C1orf115: variants seen among roughly 807,000 people sequenced by gnomAD.
The protein encoded by C1orf115 is chromosome 1 open reading frame 115, also known as required for drug-induced death protein 1.
In C1orf115, 14 loss-of-function variants were observed where a neutral mutation model predicts 12.5. That is an observed-to-expected ratio of 1.12 (90% CI 0.74 to 1.75). The LOEUF is 1.75. Among genes scored for constraint, C1orf115 ranks in the 40% most tolerant of loss-of-function variants. The pLI is 0.00. For synonymous variants in C1orf115, 109 were observed against 104.6 expected, an observed-to-expected ratio of 1.04 and a Z score of -0.26; for missense variants, 237 against 220.8, an observed-to-expected ratio of 1.07 and a Z score of -0.46.
intron 1 of C1orf115, 34 bp downstream of exon 1, chr1:220,690,745 G>A: frequency 6.4e-7 from 1 of 1,552,872 alleles, no homozygotes; most frequent in South Asian, 1.2e-5. Flanking sequence ...CCCGGGGGGC[G>A]CGGGTGTGGT....
intron 1 of C1orf115, among the ~76,000 whole-genome samples, chr1:220,695,329 A>G (rs564779030): frequency 6.6e-6 from 1 of 152,104 alleles, no homozygotes; most frequent in South Asian, 2.1e-4. Flanking sequence ...GAAAGCCAAG[A>G]TCAAGGTGGG....
In C1orf115 at chr1:220,697,090, A is replaced by T; in HGVS notation, c.*359A>T. 1 of 169,778 alleles carries T rather than the reference A, an allele frequency of 5.9e-6. No individual in the cohort carries two copies. Among genetic ancestry groups the T allele is most frequent in the Non-Finnish European group, 1.3e-5 (1 of 79,900 alleles). The allele number at this position is 169,778 out of a possible 1,614,324, so 10.5% of individuals were successfully genotyped here. On this transcript the variant is annotated 3_prime_UTR_variant, in exon 2 of 2. Transcript: ENST00000294889. This position sits in a 1 kb window ranked among gnomAD's most constrained non-coding sequence, Gnocchi z 4.5. ...AGTGTGGGTGTGCAGCAGAACAGTG[A>T]TCTTGGGGGAGGAAGAGGATGTTAC...
chr1:220,694,216 C>T (rs1479601533), intron 1 of C1orf115, among the ~76,000 whole-genome samples: 1 of 151,186 alleles, frequency 6.6e-6, no homozygotes, highest in Non-Finnish European at 1.5e-5. Context: ...GCTATGTAAT[C>T]AAAAGAAGCA....
intron 1 of C1orf115, among the ~76,000 whole-genome samples, chr1:220,694,036 C>T (rs1008742048): frequency 4.1e-5 from 6 of 144,618 alleles, no homozygotes; most frequent in South Asian, 2.2e-4. Flanking sequence ...GCTGAGATCG[C>T]GCCATTGCAC....
rs149479212 is a variant in C1orf115, at chr1:220,693,706, A to C, written c.310-2906A>C. ...CAAAGGAAACACTCAGCCTCTTTCT[A>C]CATGCTCAGGATACAGTAATGAGCA... On this transcript the variant is annotated intron_variant, in intron 1 of 1. Transcript: ENST00000294889. 2.8e-4 allele frequency among the ~76,000 whole-genome samples: 43 copies of C among 152,294 alleles called. 1 individual carries two copies. In the East Asian group the frequency reaches 7.5e-3, roughly 27 times the overall value.
At chr1:220,694,844 T>C (rs1001451535) in intron 1 of C1orf115, among the ~76,000 whole-genome samples, 21 of 152,064 alleles carry the variant, frequency 1.4e-4, no homozygotes, top group African/African-American at 4.8e-4. Flanking sequence ...GGAGAGACTG[T>C]AGGGAAAGAA....
At chr1:220,693,903 C>T (rs367786834) in intron 1 of C1orf115, among the ~76,000 whole-genome samples, 8 of 151,916 alleles carry the variant, frequency 5.3e-5, no homozygotes, top group Non-Finnish European at 1.2e-4. Flanking sequence ...ACATGGTGAA[C>T]CCTGTCTCTA....
intron 1 of C1orf115, among the ~76,000 whole-genome samples, chr1:220,695,432 G>A (rs1168339062): frequency 6.6e-6 from 1 of 151,888 alleles, no homozygotes; most frequent in Non-Finnish European, 1.5e-5. Context: ...GAAGCCAGGG[G>A]CAGCCACAGG....
Position 220,690,525 on chromosome 1 carries a change from C to A in C1orf115, c.123C>A (p.Tyr41Ter). 1 of 1,442,314 alleles carries A rather than the reference C, an allele frequency of 6.9e-7. No homozygotes were observed. Among genetic ancestry groups the A allele is most frequent in the South Asian group, 1.5e-5 (1 of 67,248 alleles). The allele number at this position is 1,442,314 out of a possible 1,614,324, so 89.3% of individuals were successfully genotyped here. The change falls in exon 1 of 2, where the codon TAC (tyrosine) becomes TAA (stop). Residue 41 changes from tyrosine to a stop codon, truncating the protein, a stop_gained. Transcript: ENST00000294889. LOFTEE classifies it high-confidence loss of function. ...CCGCCATCCTGGAGCACCTGGAGTA[C>A]GCGGACGAGGCGGAGGCGGCGGCCG... ...EAAAILEHLE[Y>*]ADEAEAAAES...
chr1:220,694,451 T>C (rs994743037), intron 1 of C1orf115, among the ~76,000 whole-genome samples: 2 of 152,206 alleles, frequency 1.3e-5, no homozygotes, highest in Admixed American at 6.5e-5. Context: ...GCATGAGTGG[T>C]TAACTAGAAG....
chr1:220,690,673 AG>A lies in C1orf115; in HGVS notation c.273del (p.Lys92ArgfsTer7). On this transcript the variant is annotated frameshift_variant, in exon 1 of 2. Coordinates refer to ENST00000294889, the MANE Select transcript of C1orf115 (RefSeq NM_024709.5). LOFTEE classifies it high-confidence loss of function. ...GGAGCCGGCGCCGAGCGAGCAGCCCAGGAAGAGGTACCGGAGGAAGCTGAAG... is the reference window on the plus strand; with the variant it reads ...GGAGCCGGCGCCGAGCGAGCAGCCCAGAAGAGGTACCGGAGGAAGCTGAAG... ...LEEPAPSEQPRKRYRRKLKKY... is the reference protein window; with the variant it reads ...LEEPAPSEQPXKRYRRKLKKY... 6.3e-7 allele frequency: 1 copy of A among 1,596,676 alleles called. No homozygotes were observed. Among genetic ancestry groups the A allele is most frequent in the Non-Finnish European group, 8.5e-7 (1 of 1,172,878 alleles).
chr1:220,693,071 G>T (rs563849934), intron 1 of C1orf115, among the ~76,000 whole-genome samples: 2 of 152,288 alleles, frequency 1.3e-5, no homozygotes, highest in East Asian at 1.9e-4. Flanking sequence ...CAAACATGGA[G>T]ATATAAAGCA....
Position 220,697,116 on chromosome 1 carries a change from T to C in C1orf115, c.*385T>C, listed in dbSNP as rs545436633. The C allele has an allele frequency of 1.2e-3, 188 of 159,172 alleles. No homozygotes were observed. The highest frequency in any genetic ancestry group is 4.3e-3 in the African/African-American group (180 of 41,806). 9.9% of individuals were successfully genotyped at this position (159,172 alleles called of 1,614,324 possible). ...TCTTGGGGGAGGAAGAGGATGTTAC[T>C]AGAGTCAGATGATTTGCTGTATTCT... On this transcript the variant is annotated 3_prime_UTR_variant, in exon 2 of 2. Transcript: ENST00000294889. This position sits in a 1 kb window ranked among gnomAD's most constrained non-coding sequence, Gnocchi z 4.5.
At chr1:220,694,372 A>G (rs1345472760) in intron 1 of C1orf115, among the ~76,000 whole-genome samples, 1 of 152,182 alleles carries the variant, frequency 6.6e-6, no homozygotes, top group Non-Finnish European at 1.5e-5. Flanking sequence ...AAATATTCCC[A>G]TTGTATAGGT....
At position 220,698,496 on chromosome 1, in the gene C1orf115, A is replaced by G. The variant is rs75023424; in HGVS notation, c.*1765A>G. On this transcript the variant is annotated 3_prime_UTR_variant, in exon 2 of 2. Transcript: ENST00000294889. ...TATGGCACATTTTCACACACGTGAGATAATTACAGCTTGCCCCACAACACT... is the reference window on the plus strand; with the variant it reads ...TATGGCACATTTTCACACACGTGAGGTAATTACAGCTTGCCCCACAACACT... The G allele has an allele frequency of 0.032, 4,817 of 152,350 alleles. 105 individuals are homozygous for G. The highest frequency in any genetic ancestry group is 0.051 in the Middle Eastern group (15 of 294). 9.4% of individuals were successfully genotyped at this position (152,350 alleles called of 1,614,324 possible).
At chr1:220,696,575 C>G (rs1375729111) in intron 1 of C1orf115, 37 bp from the exon 2 acceptor site, 2 of 1,546,066 alleles carry the variant, frequency 1.3e-6, no homozygotes, top group African/African-American at 1.4e-5. Context: ...GTTGCCTACC[C>G]TAATCCTTTG....
chr1:220,690,717 G>T lies in C1orf115; in HGVS notation c.309+6G>T. The T allele has an allele frequency of 1.3e-6, 2 of 1,579,930 alleles. No homozygotes were observed. The highest frequency in any genetic ancestry group is 8.6e-7 in the Non-Finnish European group (1 of 1,164,618). On this transcript the variant is annotated splice_donor_region_variant and intron_variant, in intron 1 of 1. Coordinates refer to ENST00000294889, the MANE Select transcript of C1orf115 (RefSeq NM_024709.5). ...AGCTGAAGAAGTACGGCAAGGTAGG[G>T]GCCCTGCGCCACCACTGCCCGGGGG...
intron 1 of C1orf115, among the ~76,000 whole-genome samples, chr1:220,691,561 T>G (rs1263790454): frequency 6.6e-6 from 1 of 152,170 alleles, no homozygotes; most frequent in East Asian, 1.9e-4. Context: ...AGCCATTCAG[T>G]CTCCATGCCT....
chr1:220,691,192 C>G (rs985989548), intron 1 of C1orf115, among the ~76,000 whole-genome samples: 2 of 152,086 alleles, frequency 1.3e-5, no homozygotes, highest in Admixed American at 1.3e-4. Flanking sequence ...AGGTTATTTC[C>G]CGAGCCTGGG....
Sources: allele counts gnomAD v4.1 joint callset (sites outside exome capture counted in the v4.1 genomes callset), GRCh38; gene constraint gnomAD v4.1.1; non-coding constraint Gnocchi (gnomAD v3.1); transcripts MANE v1.5; gene names NCBI Gene and HGNC (gene_info 2026-07-23, HGNC 2026-07-21).